Variants in CCDC201 observed in about 807,000 individuals in gnomAD.
The protein encoded by CCDC201 is coiled-coil domain-containing protein 201.
At chr7:45,883,505 C>G in the CCDC201 span, among the ~76,000 whole-genome samples, 3 of 152,094 alleles carry the variant, frequency 2.0e-5, no homozygotes, top group Non-Finnish European at 4.4e-5. Flanking sequence ...CAGAATGGTC[C>G]TCAACCTTTG....
the CCDC201 span, among the ~76,000 whole-genome samples, chr7:45,879,258 GT>G: frequency 6.6e-6 from 1 of 152,196 alleles, no homozygotes; most frequent in East Asian, 1.9e-4. Flanking sequence ...CTCATCTTCT[GT>G]TTTCTTCTGA....
At chr7:45,866,157 T>C (rs1786669649) in exon 2 of CCDC201, 1 of 200,264 alleles carries the variant, frequency 5.0e-6, no homozygotes, top group Non-Finnish European at 1.0e-5. Context: ...CTGCTGCTGC[T>C]GCCGCTGCCG....
the CCDC201 span, among the ~76,000 whole-genome samples, chr7:45,878,129 G>A: frequency 6.6e-6 from 1 of 152,196 alleles, no homozygotes; most frequent in African/African-American, 2.4e-5. Context: ...GTGATGCAAG[G>A]GGTGTTCTCC....
At chr7:45,882,624 A>C in the CCDC201 span, among the ~76,000 whole-genome samples, 2 of 152,184 alleles carry the variant, frequency 1.3e-5, no homozygotes, top group African/African-American at 4.8e-5. Flanking sequence ...AAGTGCCATC[A>C]AATTGCTGGC....
chr7:45,866,342 G>A (rs1786671953), exon 2 of CCDC201: 1 of 152,556 alleles, frequency 6.6e-6, no homozygotes, highest in Admixed American at 6.5e-5. Context: ...CAGGCATTGG[G>A]GACCCACTGA....
chr7:45,877,583 A>T (rs1187782854), upstream of CCDC201, among the ~76,000 whole-genome samples: 1 of 152,180 alleles, frequency 6.6e-6, no homozygotes, highest in African/African-American at 2.4e-5. Flanking sequence ...CTACCTTCAC[A>T]TGGTGGAGCA....
chr7:45,876,409 G>T (rs542323944), upstream of CCDC201, among the ~76,000 whole-genome samples: 1 of 152,184 alleles, frequency 6.6e-6, no homozygotes, highest in Admixed American at 6.5e-5. Context: ...GAGCTATCAG[G>T]CTACTTGCCC....
chr7:45,875,439 C>CAAAAA (rs34636507), upstream of CCDC201, among the ~76,000 whole-genome samples: 1 of 104,930 alleles, frequency 9.5e-6, no homozygotes, highest in Admixed American at 9.7e-5. Flanking sequence ...AGGCTTCAGT[C>CAAAAA]AAAAAAAAAA....
intron 2 of CCDC201, among the ~76,000 whole-genome samples, chr7:45,863,816 G>A (rs1022730397): frequency 2.0e-5 from 3 of 152,106 alleles, no homozygotes; most frequent in African/African-American, 7.2e-5. Flanking sequence ...GAAAGTGTAA[G>A]ACAGAAGCAA....
the CCDC201 span, among the ~76,000 whole-genome samples, chr7:45,881,618 C>T: frequency 1.3e-5 from 2 of 152,174 alleles, no homozygotes; most frequent in African/African-American, 4.8e-5. Context: ...GGTCTGTCAC[C>T]TGAGCAGCCT....
intron 2 of CCDC201, among the ~76,000 whole-genome samples, chr7:45,865,169 C>T (rs753337431): frequency 1.3e-5 from 2 of 152,186 alleles, no homozygotes; most frequent in Non-Finnish European, 1.5e-5. Flanking sequence ...AGGAAATGGG[C>T]GAGGAGGCAG....
upstream of CCDC201, among the ~76,000 whole-genome samples, chr7:45,877,868 A>C (rs568672762): frequency 6.6e-6 from 1 of 152,324 alleles, no homozygotes; most frequent in East Asian, 1.9e-4. Flanking sequence ...AACTCATTAC[A>C]GCATTAACTC....
upstream of CCDC201, among the ~76,000 whole-genome samples, chr7:45,873,521 C>T (rs1786764791): frequency 6.6e-6 from 1 of 152,138 alleles, no homozygotes; most frequent in African/African-American, 2.4e-5. Flanking sequence ...TGCTCAGAAC[C>T]TCCTGGAGGG....
chr7:45,860,518 C>T (rs1049283186), exon 3 of CCDC201: 13 of 152,308 alleles, frequency 8.5e-5, no homozygotes, highest in Admixed American at 3.3e-4. Context: ...TTATGCTTAC[C>T]TCTAAGTGAG....
upstream of CCDC201, among the ~76,000 whole-genome samples, chr7:45,875,261 G>C (rs1453219281): frequency 6.6e-6 from 1 of 152,134 alleles, no homozygotes; most frequent in Non-Finnish European, 1.5e-5. Context: ...TTGGGAGGCT[G>C]AGACAAGTGG....
chr7:45,878,176 G>A, the CCDC201 span, among the ~76,000 whole-genome samples: 1 of 152,218 alleles, frequency 6.6e-6, no homozygotes, highest in Non-Finnish European at 1.5e-5. Context: ...GGGACTGCAG[G>A]GTTCAGCCCC....
chr7:45,867,800 T>C (rs1248909029), intron 1 of CCDC201, among the ~76,000 whole-genome samples: 1 of 152,234 alleles, frequency 6.6e-6, no homozygotes, highest in Non-Finnish European at 1.5e-5. Flanking sequence ...GCTAAATTAT[T>C]GTATGCATTT....
chr7:45,860,785 T>A (rs979225898), exon 3 of CCDC201: 2 of 152,240 alleles, frequency 1.3e-5, no homozygotes, highest in African/African-American at 4.8e-5. Flanking sequence ...GCAAGACTTG[T>A]TCTGTCTTTA....
the CCDC201 span, among the ~76,000 whole-genome samples, chr7:45,879,069 G>C: frequency 2.0e-5 from 3 of 152,200 alleles, no homozygotes; most frequent in Non-Finnish European, 4.4e-5. Flanking sequence ...GATCCCTCGA[G>C]CAGGGGCAAA....
Sources: gnomAD v4.1 joint callset for allele counts (sites outside exome capture counted in the v4.1 genomes callset) on GRCh38, gnomAD v4.1.1 for gene constraint, MANE v1.5 for transcripts, NCBI Gene and HGNC (gene_info 2026-07-23, HGNC 2026-07-21) for gene names.